The following KIFAP3 variants were observed in gnomAD, a reference collection of about 807,000 sequenced individuals.
KIFAP3 encodes the protein kinesin-associated protein 3.
KIFAP3 carries 68 observed loss-of-function variants against 106.5 expected under a neutral mutation model. That is an observed-to-expected ratio of 0.64 (90% CI 0.53 to 0.78). The LOEUF (loss-of-function observed/expected upper bound fraction) is 0.78, where lower values mean the gene tolerates loss of function less well. Among genes scored for constraint, KIFAP3 ranks in the 30% least tolerant of loss-of-function variants. KIFAP3 has a pLI of 0.00. For synonymous variants in KIFAP3, 320 were observed against 311.5 expected (o/e 1.03, Z -0.29); for missense variants, 780 against 941.8 (o/e 0.83, Z 2.25).
rs188676533 is a variant in KIFAP3 at position 169,974,923 on chromosome 1, A to G, written c.1898-2325T>C. On this transcript the variant is annotated intron_variant, in intron 16 of 19. Transcript: ENST00000361580. ...TTCTAGGATCCCCCAATGATGCCAAAATCCACAGATGCTTAAGTCTCTAAT... is the reference window on the plus strand; with the variant it reads ...TTCTAGGATCCCCCAATGATGCCAAGATCCACAGATGCTTAAGTCTCTAAT... Among the ~76,000 whole-genome samples the G allele has an allele frequency of 1.7e-3, 266 of 152,150 alleles. 2 individuals carry two copies. Among genetic ancestry groups the G allele is most frequent in the African/African-American group, 5.9e-3 (246 of 41,534 alleles).
At chr1:170,039,397 CTAAA>C in intron 3 of KIFAP3, 109 bp from the exon 4 acceptor site, 1 of 576,752 alleles carries the variant, frequency 1.7e-6, no homozygotes, top group Non-Finnish European at 3.1e-6. Flanking sequence ...GATATTAAAA[CTAAA>C]TAGTTTATGA....
intron 1 of KIFAP3, among the ~76,000 whole-genome samples, chr1:170,071,607 TTA>T (rs960402096): frequency 6.6e-6 from 1 of 152,060 alleles, no homozygotes; most frequent in African/African-American, 2.4e-5. Context: ...CTTCCTGGCT[TTA>T]TAACAACCAA....
intron 17 of KIFAP3, 147 bp from the exon 18 acceptor site, chr1:169,961,382 A>G: frequency 1.8e-6 from 1 of 564,642 alleles, no homozygotes; most frequent in South Asian, 2.6e-5. Flanking sequence ...TATTTTATAT[A>G]ATAGCCAACA....
intron 15 of KIFAP3, among the ~76,000 whole-genome samples, chr1:169,981,285 G>A (rs968969771): frequency 1.3e-5 from 2 of 152,122 alleles, no homozygotes; most frequent in Non-Finnish European, 2.9e-5. Flanking sequence ...TCTGAATAGT[G>A]TGATGTAATT....
In KIFAP3 at chr1:170,034,433, A is replaced by G. The variant is rs1306939708; in HGVS notation, c.681T>C (p.Ile227=). 6.3e-7 allele frequency: 1 copy of G among 1,598,032 alleles called. No individual in the cohort carries two copies. The highest frequency in any genetic ancestry group is 1.3e-5 in the African/African-American group (1 of 74,510). ...GCTCATGTCTTTTTAACTCATGATCAATAATATTCATACACAGAGCTCCAA... is the reference window on the plus strand; with the variant it reads ...GCTCATGTCTTTTTAACTCATGATCGATAATATTCATACACAGAGCTCCAA... ...YKIGALCMNI[I]DHELKRHELW... The change falls in exon 7 of 20, where the codon ATT becomes ATC. Residue 227 remains isoleucine (I), a synonymous_variant. Transcript: ENST00000361580.
upstream of KIFAP3, among the ~76,000 whole-genome samples, chr1:170,076,585 G>A (rs12141377): frequency 0.071 from 10,867 of 152,192 alleles, 434 homozygotes; most frequent in Non-Finnish European, 0.095. Context: ...GGCAACTACT[G>A]CATCAGATCT....
intron 1 of KIFAP3, chr1:170,067,910 C>T (rs1445450459): frequency 6.6e-6 from 1 of 152,174 alleles, no homozygotes; most frequent in African/African-American, 2.4e-5. Context: ...AATCCATGAG[C>T]ATGCTCAGGG....
intron 1 of KIFAP3, among the ~76,000 whole-genome samples, chr1:170,066,161 G>T: frequency 8.3e-6 from 1 of 120,422 alleles, no homozygotes. Flanking sequence ...ACAAATTGCA[G>T]GTCTATTGCC....
intron 1 of KIFAP3, among the ~76,000 whole-genome samples, chr1:170,059,502 T>C (rs905784227): frequency 6.6e-6 from 1 of 151,904 alleles, no homozygotes; most frequent in African/African-American, 2.4e-5. Flanking sequence ...ACCAATAGGC[T>C]CTGAAATTGA....
chr1:170,065,867 G>C (rs1287584109), intron 1 of KIFAP3, among the ~76,000 whole-genome samples: 1 of 152,146 alleles, frequency 6.6e-6, no homozygotes, highest in African/African-American at 2.4e-5. Flanking sequence ...ATTTCCATCA[G>C]GGAAGAAAGT....
chr1:169,955,514 G>A (rs191521448), intron 18 of KIFAP3, among the ~76,000 whole-genome samples: 14 of 152,260 alleles, frequency 9.2e-5, no homozygotes, highest in Admixed American at 9.2e-4. Flanking sequence ...GGAAAGACAG[G>A]TAAGAGTTAA....
chr1:170,041,714 T>C (rs1462114446), intron 3 of KIFAP3: 7 of 1,535,302 alleles, frequency 4.6e-6, no homozygotes, highest in Middle Eastern at 1.7e-4. Flanking sequence ...AAACAGTTTC[T>C]GAATCTGAAA....
intron 3 of KIFAP3, among the ~76,000 whole-genome samples, chr1:170,041,138 T>C (rs1669956688): frequency 6.6e-6 from 1 of 152,170 alleles, no homozygotes; most frequent in Non-Finnish European, 1.5e-5. Flanking sequence ...TGCTTGTAAA[T>C]AAATTTACAA....
upstream of KIFAP3, among the ~76,000 whole-genome samples, chr1:170,075,506 C>T (rs1243714181): frequency 6.6e-6 from 1 of 152,144 alleles, no homozygotes; most frequent in Non-Finnish European, 1.5e-5. Context: ...TGCTTTGAGA[C>T]GTGCACGTAG....
intron 17 of KIFAP3, among the ~76,000 whole-genome samples, chr1:169,971,618 G>A (rs1054378016): frequency 4.0e-5 from 6 of 151,894 alleles, no homozygotes; most frequent in African/African-American, 9.7e-5. Context: ...AGTTCCTAAC[G>A]GTGATTGTCT....
In KIFAP3 at chr1:169,992,236, T is replaced by G; in HGVS notation, c.1203A>C (p.Gln401His). 6.4e-7 allele frequency: 1 copy of G among 1,570,380 alleles called. No individual in the cohort carries two copies. The highest frequency in any genetic ancestry group is 1.2e-5 in the South Asian group (1 of 82,976). ...TALLGNDNYKQIAMCVLYHIS... is the reference protein window; with the variant it reads ...TALLGNDNYKHIAMCVLYHIS... ...TGTGGTAAAGAACACACATTGCTAT[T>G]TGTTTGTAGTTGTCATTGCCTAGGA... Residue 401 changes from glutamine to histidine, a missense_variant, in exon 11 of 20, where the codon CAA becomes CAC. Gln to His is a conservative substitution (Grantham distance 24). Coordinates refer to ENST00000361580, the MANE Select transcript of KIFAP3 (RefSeq NM_014970.4).
chr1:170,083,554 A>G (rs1672052242), intron 1 of KIFAP3, among the ~76,000 whole-genome samples: 3 of 152,188 alleles, frequency 2.0e-5, no homozygotes, highest in African/African-American at 7.2e-5. Flanking sequence ...AATAGTCTTT[A>G]TGTCCTAGAG....
At chr1:169,922,993 G>A in intron 19 of KIFAP3, 1 of 454,894 alleles carries the variant, frequency 2.2e-6, no homozygotes, top group Non-Finnish European at 2.9e-6. Flanking sequence ...GTGTTTGTGT[G>A]CACGCGTGCT....
upstream of KIFAP3, among the ~76,000 whole-genome samples, chr1:170,078,697 A>G (rs1260860458): frequency 1.3e-5 from 2 of 152,220 alleles, no homozygotes; most frequent in Non-Finnish European, 2.9e-5. Context: ...TACACTTCAG[A>G]CACAAATAGC....
Sources: gnomAD v4.1 joint callset for allele counts (sites outside exome capture counted in the v4.1 genomes callset) on GRCh38, gnomAD v4.1.1 for gene constraint, MANE v1.5 for transcripts, NCBI Gene and HGNC (gene_info 2026-07-23, HGNC 2026-07-21) for gene names.